The following CUX1 variants were observed in gnomAD, a reference collection of about 807,000 sequenced individuals.
CUX1 encodes cut like homeobox 1.
Under a neutral mutation model 158.8 loss-of-function variants are expected in CUX1, and 31 were observed. The observed-to-expected ratio is 0.20, with a 90% confidence interval of 0.15 to 0.26. The LOEUF (loss-of-function observed/expected upper bound fraction) is 0.26. Ranked by LOEUF, CUX1 falls within the 10% of genes least tolerant of loss-of-function variation. The pLI is 1.00. For synonymous variants in CUX1, 879 were observed against 862.1 expected (o/e 1.02, Z -0.34); for missense variants, 1,589 against 2,014.6 (o/e 0.79, Z 4.04).
At chr7:101,864,479 T>C (rs919121717) in intron 1 of CUX1, among the ~76,000 whole-genome samples, 4 of 152,150 alleles carry the variant, frequency 2.6e-5, no homozygotes, top group African/African-American at 9.7e-5. Context: ...TTTTCTTTTT[T>C]AATGGTAGAC....
At chr7:101,946,865 A>AG (rs1808442481) in intron 2 of CUX1, among the ~76,000 whole-genome samples, 1 of 152,156 alleles carries the variant, frequency 6.6e-6, no homozygotes, top group South Asian at 2.1e-4. Context: ...GGGAGGGCTC[A>AG]GGGGACAATG....
At chr7:101,884,779 T>G (rs551764393) in intron 1 of CUX1, among the ~76,000 whole-genome samples, 10 of 152,352 alleles carry the variant, frequency 6.6e-5, no homozygotes, top group Non-Finnish European at 1.2e-4. Context: ...TTAATGGATA[T>G]TTACACAGTG....
At chr7:101,871,507 A>G (rs977689150) in intron 1 of CUX1, among the ~76,000 whole-genome samples, 3 of 152,080 alleles carry the variant, frequency 2.0e-5, no homozygotes, top group African/African-American at 7.2e-5. Context: ...TCCCAGATGA[A>G]GCATGCATCT....
intron 2 of CUX1, among the ~76,000 whole-genome samples, chr7:101,955,367 A>G (rs1295431405): frequency 6.6e-6 from 1 of 152,172 alleles, no homozygotes; most frequent in Non-Finnish European, 1.5e-5. Flanking sequence ...AGTTCTACCC[A>G]TTTATTCTCT....
intron 1 of CUX1, among the ~76,000 whole-genome samples, chr7:101,862,311 C>T (rs1797541235): frequency 6.6e-6 from 1 of 151,956 alleles, no homozygotes; most frequent in South Asian, 2.1e-4. Flanking sequence ...CCTTCTAGTC[C>T]TCCAAGAGCT....
intron 1 of CUX1, among the ~76,000 whole-genome samples, chr7:101,873,314 C>G (rs1740789852): frequency 6.7e-6 from 1 of 150,176 alleles, no homozygotes; most frequent in Non-Finnish European, 1.5e-5. Context: ...CATGCATTAG[C>G]TATTTTTCCT....
chr7:102,132,069 C>CT (rs1554497356), intron 8 of CUX1, among the ~76,000 whole-genome samples: 1 of 151,258 alleles, frequency 6.6e-6, no homozygotes, highest in Non-Finnish European at 1.5e-5. Context: ...GGTGGAAAAA[C>CT]TTTTTTTTAA....
chr7:102,178,594 G>T lies in CUX1; in HGVS notation c.954G>T (p.Glu318Asp). 1 of 1,612,050 alleles carries T rather than the reference G, an allele frequency of 6.2e-7. No homozygotes were observed. The highest frequency in any genetic ancestry group is 8.5e-7 in the Non-Finnish European group (1 of 1,179,096). ...RLQASLTKLRENSASQISQLE... is the reference protein window; with the variant it reads ...RLQASLTKLRDNSASQISQLE... ...AGGCCAGCCTCACCAAGCTGCGGGA[G>T]AATTCGGCCAGCCAGATCTCACAGC... Residue 318 changes from glutamate (E) to aspartate (D), a missense_variant, in exon 11 of 24, where the codon GAG becomes GAT. Around this residue, in one of 8 missense-constraint regions of CUX1, gnomAD observed 515 missense variants for 574.4 expected, o/e 0.90. Transcript: ENST00000292535.
chr7:101,936,779 C>A (rs527587766), intron 2 of CUX1, among the ~76,000 whole-genome samples: 1 of 152,108 alleles, frequency 6.6e-6, no homozygotes, highest in Non-Finnish European at 1.5e-5. Flanking sequence ...CACGTGGGAC[C>A]GGCTAGGTGG....
chr7:102,048,933 AT>A (rs1823156635), intron 3 of CUX1, among the ~76,000 whole-genome samples: 1 of 152,022 alleles, frequency 6.6e-6, no homozygotes, highest in Non-Finnish European at 1.5e-5. Context: ...ACAAACAAAC[AT>A]GAGCTCCATG....
In CUX1 at chr7:102,000,964, G is replaced by A. The variant is rs187800213; in HGVS notation, c.142-27134G>A. On this transcript the variant is annotated intron_variant, in intron 2 of 23. Transcript: ENST00000292535. ...TACTGTTTATTTGTATTTTTGTAGAGGTGGGGTATCGCTTTGTTGCCCAGG... is the reference window on the plus strand; with the variant it reads ...TACTGTTTATTTGTATTTTTGTAGAAGTGGGGTATCGCTTTGTTGCCCAGG... 5.3e-5 allele frequency among the ~76,000 whole-genome samples: 8 copies of A among 152,234 alleles called. No homozygotes were observed. In the East Asian group the frequency reaches 1.5e-3, roughly 29 times the overall value.
intron 2 of CUX1, among the ~76,000 whole-genome samples, chr7:101,975,416 G>A (rs1812538779): frequency 6.6e-6 from 1 of 151,898 alleles, no homozygotes; most frequent in South Asian, 2.1e-4. Context: ...AATCAGCTAG[G>A]CATGGTGGCA....
Position 102,067,390 on chromosome 7 carries a change from A to T in CUX1, c.190-2949A>T, listed in dbSNP as rs530267596. ...GTAGCTGAGATTACAGGTGCACGCCACCATGCCCGGCTAATTTTTATATTT... is the reference window on the plus strand; with the variant it reads ...GTAGCTGAGATTACAGGTGCACGCCTCCATGCCCGGCTAATTTTTATATTT... On this transcript the variant is annotated intron_variant, in intron 3 of 23. Transcript: ENST00000292535. 5.9e-5 allele frequency among the ~76,000 whole-genome samples: 9 copies of T among 151,940 alleles called. No homozygotes were observed. The South Asian group carries it at 1.9e-3, about 32-fold the overall frequency.
intron 22 of CUX1, among the ~76,000 whole-genome samples, chr7:102,238,666 G>A (rs10248171): frequency 0.091 from 13,823 of 152,108 alleles, 1,045 homozygotes; most frequent in African/African-American, 0.2. Flanking sequence ...AGGCCTGGCC[G>A]AGGAACTCTT....
At chr7:102,154,302 AT>A (rs1836009733) in intron 8 of CUX1, 1 of 152,140 alleles carries the variant, frequency 6.6e-6, no homozygotes, top group African/African-American at 2.4e-5. Flanking sequence ...CCTAATAGGA[AT>A]TCCAGAAAGA....
chr7:102,119,046 A>T (rs903838554), intron 8 of CUX1, among the ~76,000 whole-genome samples: 2 of 152,068 alleles, frequency 1.3e-5, no homozygotes, highest in Non-Finnish European at 2.9e-5. Flanking sequence ...CACTGCACCC[A>T]GCATGCTAGG....
At chr7:101,835,706 A>G (rs1029043148) in intron 1 of CUX1, among the ~76,000 whole-genome samples, 1 of 152,166 alleles carries the variant, frequency 6.6e-6, no homozygotes, top group Non-Finnish European at 1.5e-5. Flanking sequence ...TGTGTTGCCA[A>G]CAGTCCAATT....
At chr7:102,003,000 C>T (rs1387009243) in intron 2 of CUX1, among the ~76,000 whole-genome samples, 3 of 152,090 alleles carry the variant, frequency 2.0e-5, no homozygotes, top group Admixed American at 6.5e-5. Flanking sequence ...CTCCTGGGTT[C>T]AAGCAATTCT....
intron 5 of CUX1, among the ~76,000 whole-genome samples, chr7:102,099,865 T>C (rs782607998): frequency 1.1e-4 from 16 of 152,124 alleles, no homozygotes; most frequent in Non-Finnish European, 2.1e-4. Flanking sequence ...AGCTTCCCAG[T>C]GGCCAGGGCT....
Sources: gnomAD v4.1 joint callset for allele counts (sites outside exome capture counted in the v4.1 genomes callset) on GRCh38, gnomAD v4.1.1 for gene constraint, gnomAD v4.1.1 regional missense constraint, MANE v1.5 for transcripts, NCBI Gene and HGNC (gene_info 2026-07-23, HGNC 2026-07-21) for gene names.